Variants in ZSCAN20 observed in about 807,000 individuals in gnomAD.
The protein encoded by ZSCAN20 is zinc finger and SCAN domain containing 20.
Under a neutral mutation model 97.1 loss-of-function variants are expected in ZSCAN20, and 39 were observed. The observed-to-expected ratio is 0.40, with a 90% CI of 0.31 to 0.52. The LOEUF is 0.52. Ranked by LOEUF, ZSCAN20 falls within the 20% of genes least tolerant of loss-of-function variation. The probability of loss-of-function intolerance (pLI) is 0.49; values close to 1 mark genes in which losing one functional copy is unlikely to be tolerated. For synonymous variants in ZSCAN20, 456 were observed against 467.3 expected (o/e 0.98, Z 0.31); for missense variants, 1,115 against 1,290.4 (o/e 0.86, Z 2.08).
At chr1:33,485,861 A>C (rs964751593) in intron 2 of ZSCAN20, among the ~76,000 whole-genome samples, 5 of 152,162 alleles carry the variant, frequency 3.3e-5, no homozygotes, top group African/African-American at 9.6e-5. Flanking sequence ...TCTTCTGCTT[A>C]CTTTGGATTT....
In ZSCAN20 at chr1:33,494,953, C is replaced by T; in HGVS notation, c.2609C>T (p.Ser870Leu). The T allele has an allele frequency of 6.2e-7, 1 of 1,614,146 alleles. No individual in the cohort carries two copies. The change falls in exon 8 of 8, where the codon TCA becomes TTA. Residue 870 changes from serine to leucine, a missense_variant. Ser to Leu is a moderately radical substitution (Grantham distance 145). Transcript: ENST00000684572. ...TCTCCTGGACCACACAGCACAAACT[C>T]AGGGGAGAAACTTTATGAGTGTTCT... ...LNSPGPHSTN[S>L]GEKLYECSEC...
rs554384955 is a variant in ZSCAN20, at chr1:33,476,026, A to G, written c.-110-3153A>G. On this transcript the variant is annotated intron_variant, in intron 1 of 7. Transcript: ENST00000684572. Reference sequence around the variant, plus strand: ...TTACAGATCAGTGAAATGCAGCTCAACACCTAATGAGACTCCAGTTGCTGC... The same window carrying G: ...TTACAGATCAGTGAAATGCAGCTCAGCACCTAATGAGACTCCAGTTGCTGC... Among the ~76,000 whole-genome samples, 12 of 152,226 alleles carry G rather than the reference A, an allele frequency of 7.9e-5. No homozygotes were observed. In the South Asian group the frequency reaches 2.1e-3, roughly 26 times the overall value.
chr1:33,494,095 A>G lies in ZSCAN20; in HGVS notation c.1874-123A>G, dbSNP rs978878381. The G allele has an allele frequency of 2.5e-5, 21 of 856,836 alleles. No homozygotes were observed. In the South Asian group the frequency reaches 3.8e-4, roughly 15 times the overall value. 53.1% of individuals were successfully genotyped at this position (856,836 alleles called of 1,614,324 possible). A position where few individuals can be genotyped will look rare whatever the true frequency, so the allele number is the denominator to read the frequency against. Reference sequence around the variant, plus strand: ...TAGTCACATTTATAAGATGTGCGATAGAAGATATAAGAATCAAATTCATGT... The same window carrying G: ...TAGTCACATTTATAAGATGTGCGATGGAAGATATAAGAATCAAATTCATGT... On this transcript the variant is annotated intron_variant, in intron 7 of 7. Coordinates refer to ENST00000684572, the MANE Select transcript of ZSCAN20 (RefSeq NM_001377376.1).
chr1:33,478,009 G>A (rs1410242266), intron 1 of ZSCAN20, among the ~76,000 whole-genome samples: 1 of 152,092 alleles, frequency 6.6e-6, no homozygotes, highest in South Asian at 2.1e-4. Context: ...AAGAGGGGAA[G>A]GTTCAGAGGG....
Position 33,495,034 on chromosome 1 carries a change from A to T in ZSCAN20, c.2690A>T (p.His897Leu), listed in dbSNP as rs777172310. ...GCCCTCATTAGTCACCAAAGAATCC[A>T]TACGGGAGAGAAACCATATGAATGT... ...SSALISHQRI[H>L]TGEKPYECAE... The change falls in exon 8 of 8, where the codon CAT becomes CTT. Residue 897 changes from histidine to leucine, a missense_variant. Coordinates refer to ENST00000684572, the MANE Select transcript of ZSCAN20 (RefSeq NM_001377376.1). The T allele has an allele frequency of 6.2e-7, 1 of 1,613,858 alleles. No individual in the cohort carries two copies. Among genetic ancestry groups the T allele is most frequent in the Non-Finnish European group, 8.5e-7 (1 of 1,179,800 alleles).
rs1557451125 is a variant in ZSCAN20 at position 33,498,771 on chromosome 1, C to A, written c.*3295C>A. 1.3e-5 allele frequency among the ~76,000 whole-genome samples: 2 copies of A among 152,148 alleles called. No homozygotes were observed. Among genetic ancestry groups the A allele is most frequent in the Non-Finnish European group, 1.5e-5 (1 of 68,012 alleles). ...GGATCGTCTCCCCAGATGGCTGCCT[C>A]CCCTTGATTTCTTCACCCTCCACCT... is the stretch of plus-strand genomic sequence containing the variant. On this transcript the variant is annotated 3_prime_UTR_variant, in exon 8 of 8. Coordinates refer to ENST00000684572, the MANE Select transcript of ZSCAN20 (RefSeq NM_001377376.1).
Position 33,491,323 on chromosome 1 carries a change from G to A in ZSCAN20, c.1065G>A (p.Gln355=), listed in dbSNP as rs1435676895. 2.5e-6 allele frequency: 4 copies of A among 1,614,158 alleles called. No individual in the cohort carries two copies. The change falls in exon 6 of 8, where the codon CAG becomes CAA. Residue 355 remains glutamine, a synonymous_variant. Coordinates refer to ENST00000684572, the MANE Select transcript of ZSCAN20 (RefSeq NM_001377376.1). This position sits in a 1 kb window ranked among gnomAD's most constrained non-coding sequence, Gnocchi z 4.3. The stretch of plus-strand genomic sequence containing the variant: ...TCCGGACTTGTCACCAGAACCGCCA[G>A]GTATATCGGGCCATTGCAGAGCAGC... ...EKLRTCHQNR[Q]VYRAIAEQLR...
Position 33,489,600 on chromosome 1 carries a change from T to A in ZSCAN20, c.764T>A (p.Leu255Gln), listed in dbSNP as rs1366354575. 1 of 1,614,042 alleles carries A rather than the reference T, an allele frequency of 6.2e-7. No homozygotes were observed. Among genetic ancestry groups the A allele is most frequent in the Non-Finnish European group, 8.5e-7 (1 of 1,179,932 alleles). Residue 255 changes from leucine (L) to glutamine (Q), a missense_variant and splice_region_variant, in exon 5 of 8, where the codon CTG becomes CAG. Around this residue, in one of 3 missense-constraint regions of ZSCAN20, gnomAD observed 508 missense variants for 611.2 expected, o/e 0.83. Transcript: ENST00000684572. Reference sequence around the variant, plus strand: ...GACGACTGTGGGAACAGCGTGTGCCTGGGTAAGGAGACGTACCCTCTGAAG... The same window carrying A: ...GACGACTGTGGGAACAGCGTGTGCCAGGGTAAGGAGACGTACCCTCTGAAG... ...PGDDCGNSVC[L>Q]GVPVSKPSNT... is the part of the protein sequence containing the mutation.
intron 2 of ZSCAN20, among the ~76,000 whole-genome samples, chr1:33,488,054 TA>T (rs1652439451): frequency 6.6e-6 from 1 of 152,226 alleles, no homozygotes; most frequent in Admixed American, 6.5e-5. Flanking sequence ...TATAATTTTA[TA>T]TTTTTTTCCT....
Position 33,496,148 on chromosome 1 carries a change from T to G in ZSCAN20, c.*672T>G, listed in dbSNP as rs1302058875. The G allele has an allele frequency of 6.6e-6, 1 of 152,214 alleles. No homozygotes were observed. Among genetic ancestry groups the G allele is most frequent in the East Asian group, 1.9e-4 (1 of 5,204 alleles). The allele number at this position is 152,214 out of a possible 1,614,324, so 9.4% of individuals were successfully genotyped here. ...CCCATTTCCTAGAGGCTTGGGAAAT[T>G]AAGTAACTCGCACTGGTCACACATC... On this transcript the variant is annotated 3_prime_UTR_variant, in exon 8 of 8. Coordinates refer to ENST00000684572, the MANE Select transcript of ZSCAN20 (RefSeq NM_001377376.1).
At chr1:33,472,735 T>G (rs1174198022) in intron 1 of ZSCAN20, 44 bp downstream of exon 1, 2 of 145,416 alleles carry the variant, frequency 1.4e-5, no homozygotes, top group Non-Finnish European at 3.0e-5. Context: ...ACGCAGGCTC[T>G]GGGCTGGAGA....
rs937437023 is a variant in ZSCAN20, at chr1:33,491,375, C to A, written c.1117C>A (p.Leu373Met). The change falls in exon 6 of 8, where the codon CTG (leucine) becomes ATG (methionine). Residue 373 changes from leucine to methionine, a missense_variant. Physicochemically the swap from Leu to Met is conservative, Grantham distance 15 (BLOSUM62 2). Around this residue, in one of 3 missense-constraint regions of ZSCAN20, gnomAD observed 508 missense variants for 611.2 expected, o/e 0.83. Transcript: ENST00000684572. The surrounding 1 kb of genome is among the most constrained non-coding windows in gnomAD (Gnocchi z 4.3). ...AAGGGCAAGGGGCTTCCTGCGGACA[C>A]TGGAGCAATGTCGCTATAGGGTCAA... ...QLRARGFLRT[L>M]EQCRYRVKNL... is the part of the protein sequence containing the mutation. The A allele has an allele frequency of 3.6e-5, 58 of 1,614,072 alleles. No homozygotes were observed. The highest frequency in any genetic ancestry group is 4.3e-5 in the Non-Finnish European group (51 of 1,180,030).
At position 33,493,135 on chromosome 1, in the gene ZSCAN20, C is replaced by T; in HGVS notation, c.1445-52C>T. 6.4e-7 allele frequency: 1 copy of T among 1,565,064 alleles called. No homozygotes were observed. Among genetic ancestry groups the T allele is most frequent in the Non-Finnish European group, 8.7e-7 (1 of 1,142,924 alleles). ...GGCAGGTGACTTTATTCTCTGATGA[C>T]CTAGGCACATCTCATTAAGTCTCAC... On this transcript the variant is annotated intron_variant, in intron 6 of 7. Transcript: ENST00000684572. This position sits in a 1 kb window ranked among gnomAD's most constrained non-coding sequence, Gnocchi z 4.3.
At position 33,478,533 on chromosome 1, in the gene ZSCAN20, G is replaced by A. The variant is rs538421283; in HGVS notation, c.-110-646G>A. 5.9e-5 allele frequency among the ~76,000 whole-genome samples: 9 copies of A among 152,196 alleles called. No individual in the cohort carries two copies. The South Asian group carries it at 1.7e-3, about 28-fold the overall frequency. On this transcript the variant is annotated intron_variant, in intron 1 of 7. Coordinates refer to ENST00000684572, the MANE Select transcript of ZSCAN20 (RefSeq NM_001377376.1). ...ACAGTCAAGTAGAAGTGTCATGAAGGGGTTTGGATTTTGGGGTCTGGAGGT... is the reference window on the plus strand; with the variant it reads ...ACAGTCAAGTAGAAGTGTCATGAAGAGGTTTGGATTTTGGGGTCTGGAGGT...
At position 33,489,591 on chromosome 1, in the gene ZSCAN20, GCGTGTGCC is replaced by G. The variant is rs1557441979; in HGVS notation, c.756_763del (p.Val253GlyfsTer9). On this transcript the variant is annotated frameshift_variant, in exon 5 of 8. Transcript: ENST00000684572. LOFTEE classifies it high-confidence loss of function. ...CCCCCAGGAGACGACTGTGGGAACA[GCGTGTGCC>G]TGGGTAAGGAGACGTACCCTCTGAA... The G allele has an allele frequency of 6.2e-7, 1 of 1,614,126 alleles. No individual in the cohort carries two copies. The highest frequency in any genetic ancestry group is 8.5e-7 in the Non-Finnish European group (1 of 1,180,006).
chr1:33,473,675 A>G (rs1651815908), intron 1 of ZSCAN20, among the ~76,000 whole-genome samples: 1 of 152,116 alleles, frequency 6.6e-6, no homozygotes, highest in Non-Finnish European at 1.5e-5. Context: ...CTTTAACTTA[A>G]AAAAATTTCA....
In ZSCAN20 at chr1:33,493,508, G is replaced by T; in HGVS notation, c.1766G>T (p.Arg589Met). The change falls in exon 7 of 8, where the codon AGG becomes ATG. Residue 589 changes from arginine (R) to methionine (M), a missense_variant. Arg to Met is a moderately conservative substitution (Grantham distance 91, BLOSUM62 -1). This residue lies in a region of ZSCAN20 where 554 missense variants were observed against 584.9 expected (regional missense o/e 0.95). Transcript: ENST00000684572. This position sits in a 1 kb window ranked among gnomAD's most constrained non-coding sequence, Gnocchi z 4.3. ...GTVREAAGLP[R>M]CGQSSAETDA... ...GTCCGAGAGGCTGCAGGTCTCCCTAGGTGTGGGCAGAGTAGTGCTGAGACT... is the reference window on the plus strand; with the variant it reads ...GTCCGAGAGGCTGCAGGTCTCCCTATGTGTGGGCAGAGTAGTGCTGAGACT... 6.2e-7 allele frequency: 1 copy of T among 1,614,158 alleles called. No homozygotes were observed. Among genetic ancestry groups the T allele is most frequent in the South Asian group, 1.1e-5 (1 of 91,080 alleles).
intron 2 of ZSCAN20, among the ~76,000 whole-genome samples, chr1:33,482,791 G>A (rs1439627126): frequency 6.6e-6 from 1 of 152,052 alleles, no homozygotes; most frequent in African/African-American, 2.4e-5. Context: ...ATTGTTGTTC[G>A]AATTTGCAAT....
chr1:33,480,952 A>G (rs1029762411), intron 2 of ZSCAN20, among the ~76,000 whole-genome samples: 3 of 152,276 alleles, frequency 2.0e-5, no homozygotes, highest in East Asian at 1.9e-4. Flanking sequence ...ACTTACCCCC[A>G]TTTTGCTGGG....
Sources: allele counts gnomAD v4.1 joint callset (sites outside exome capture counted in the v4.1 genomes callset), GRCh38; gene constraint gnomAD v4.1.1; regional missense constraint gnomAD v4.1.1; non-coding constraint Gnocchi (gnomAD v3.1); transcripts MANE v1.5; gene names NCBI Gene and HGNC (gene_info 2026-07-23, HGNC 2026-07-21).